The following CACNA2D3 variants were observed in gnomAD, a reference collection of about 807,000 sequenced individuals.
The protein encoded by CACNA2D3 is voltage-dependent calcium channel subunit alpha-2/delta-3.
In CACNA2D3, 60 loss-of-function variants were observed where a neutral mutation model predicts 160.6. The observed-to-expected ratio is 0.37, with a 90% CI of 0.30 to 0.46. The LOEUF (loss-of-function observed/expected upper bound fraction) is 0.46. Among genes scored for constraint, CACNA2D3 ranks in the 20% least tolerant of loss-of-function variants. CACNA2D3 has a pLI of 1.00. For missense variants in CACNA2D3, 1,205 were observed against 1,365.0 expected (o/e 0.88, Z 1.85); for synonymous variants, 558 against 492.9 (o/e 1.13, Z -1.75).
chr3:54,455,903 C>T (rs1261998552), intron 4 of CACNA2D3, among the ~76,000 whole-genome samples: 3 of 152,084 alleles, frequency 2.0e-5, no homozygotes, highest in Non-Finnish European at 2.9e-5. Context: ...GGATTTATTT[C>T]TGGGCTCTCT....
chr3:54,925,434 G>A (rs988341664), intron 27 of CACNA2D3, among the ~76,000 whole-genome samples: 5 of 152,200 alleles, frequency 3.3e-5, no homozygotes, highest in Non-Finnish European at 7.4e-5. Context: ...GCCACCTATC[G>A]TCTGAAGCCT....
intron 12 of CACNA2D3, among the ~76,000 whole-genome samples, chr3:54,759,259 A>G (rs1575461003): frequency 1.3e-5 from 2 of 152,186 alleles, no homozygotes; most frequent in East Asian, 3.9e-4. Context: ...CTTACATGAT[A>G]TATGAGGTCC....
chr3:54,324,396 C>G (rs1222220201), intron 3 of CACNA2D3, among the ~76,000 whole-genome samples: 3 of 152,162 alleles, frequency 2.0e-5, no homozygotes, highest in African/African-American at 7.2e-5. Flanking sequence ...ATTACATAAC[C>G]CCTGTCATCT....
chr3:54,881,140 A>G (rs1019269416), intron 21 of CACNA2D3, among the ~76,000 whole-genome samples: 7 of 152,218 alleles, frequency 4.6e-5, no homozygotes, highest in African/African-American at 1.7e-4. Context: ...AGTAACTCAC[A>G]GTCAACAGCA....
intron 2 of CACNA2D3, among the ~76,000 whole-genome samples, chr3:54,190,898 C>T (rs771871611): frequency 5.9e-5 from 9 of 152,024 alleles, no homozygotes; most frequent in Non-Finnish European, 1.0e-4. Context: ...CGTTGGGCCT[C>T]TGTTTTCTCA....
chr3:54,526,406 G>A (rs1030688917), intron 5 of CACNA2D3, among the ~76,000 whole-genome samples: 17 of 152,048 alleles, frequency 1.1e-4, no homozygotes, highest in African/African-American at 3.9e-4. Context: ...TGCATGTCTT[G>A]TAATTTTTAT....
At chr3:54,622,761 T>C (rs1699017125) in intron 9 of CACNA2D3, among the ~76,000 whole-genome samples, 1 of 152,200 alleles carries the variant, frequency 6.6e-6, no homozygotes, top group African/African-American at 2.4e-5. Context: ...AGCCAGCCCC[T>C]TCCTTTGCTT....
intron 11 of CACNA2D3, among the ~76,000 whole-genome samples, chr3:54,736,070 T>TATAA (rs1701508867): frequency 6.2e-5 from 2 of 32,048 alleles, no homozygotes; most frequent in Non-Finnish European, 1.6e-4. Context: ...TGTATATATA[T>TATAA]ATACATATAT....
At chr3:54,982,684 T>C (rs1320041546) in intron 29 of CACNA2D3, among the ~76,000 whole-genome samples, 3 of 151,786 alleles carry the variant, frequency 2.0e-5, no homozygotes, top group Admixed American at 1.3e-4. Context: ...CAGAGCATCC[T>C]TGAGGGCTGC....
chr3:54,393,881 G>A (rs1033351858), intron 4 of CACNA2D3, among the ~76,000 whole-genome samples: 28 of 152,178 alleles, frequency 1.8e-4, no homozygotes, highest in Admixed American at 1.6e-3. Flanking sequence ...TGAGACACCC[G>A]TCTTCTTGGG....
At chr3:55,041,159 A>G (rs1180113359) in intron 35 of CACNA2D3, among the ~76,000 whole-genome samples, 2 of 152,142 alleles carry the variant, frequency 1.3e-5, no homozygotes, top group African/African-American at 2.4e-5. Context: ...TAGAGATACA[A>G]TTGCTTGCTC....
In CACNA2D3 at chr3:54,140,059, T is replaced by C. The variant is rs1353796814; in HGVS notation, c.204+16465T>C. ...TCTTCCTTAAATGATCCCTATTTCA[T>C]TGGACTGTCATGAGGATTAAATTGG... is the stretch of plus-strand genomic sequence containing the variant. On this transcript the variant is annotated intron_variant, in intron 2 of 37. Transcript: ENST00000474759. 1.3e-5 allele frequency among the ~76,000 whole-genome samples: 2 copies of C among 152,256 alleles called. 1 individual carries two copies. Among genetic ancestry groups the C allele is most frequent in the South Asian group, 4.1e-4 (2 of 4,834 alleles).
intron 4 of CACNA2D3, among the ~76,000 whole-genome samples, chr3:54,477,662 C>G (rs1480772899): frequency 6.6e-6 from 1 of 152,164 alleles, no homozygotes; most frequent in Non-Finnish European, 1.5e-5. Context: ...TCATCATGAT[C>G]TCCTCCCTGA....
chr3:54,736,725 G>C (rs544364496), intron 11 of CACNA2D3, among the ~76,000 whole-genome samples: 32 of 152,142 alleles, frequency 2.1e-4, no homozygotes, highest in Admixed American at 2.1e-3. Flanking sequence ...GGATCTGCTG[G>C]TTCATGCACT....
chr3:54,267,062 C>T (rs1465021867), intron 2 of CACNA2D3, among the ~76,000 whole-genome samples: 1 of 151,902 alleles, frequency 6.6e-6, no homozygotes, highest in Non-Finnish European at 1.5e-5. Context: ...GTCACTGGGG[C>T]TTAAGGATGA....
intron 5 of CACNA2D3, among the ~76,000 whole-genome samples, chr3:54,508,603 A>G (rs2106956201): frequency 6.6e-6 from 1 of 152,344 alleles, no homozygotes; most frequent in African/African-American, 2.4e-5. Flanking sequence ...ACAGAGGAAG[A>G]AAAAACATAG....
At chr3:54,791,547 C>T (rs1192371926) in intron 13 of CACNA2D3, among the ~76,000 whole-genome samples, 1 of 152,166 alleles carries the variant, frequency 6.6e-6, no homozygotes, top group Non-Finnish European at 1.5e-5. Flanking sequence ...AAAGTAATCA[C>T]TCTGGGTAAT....
At chr3:54,637,362 G>T (rs935353422) in intron 10 of CACNA2D3, among the ~76,000 whole-genome samples, 4 of 151,742 alleles carry the variant, frequency 2.6e-5, no homozygotes, top group African/African-American at 9.7e-5. Flanking sequence ...AGAGGAGGAC[G>T]CAAAGGAGGC....
At chr3:54,856,246 AC>A (rs1028101368) in intron 17 of CACNA2D3, among the ~76,000 whole-genome samples, 15 of 136,356 alleles carry the variant, frequency 1.1e-4, no homozygotes, top group Non-Finnish European at 3.3e-5. Flanking sequence ...GGTTGAGAGT[AC>A]TGACAAGAAG....
Sources: allele counts gnomAD v4.1 joint callset (sites outside exome capture counted in the v4.1 genomes callset), GRCh38; gene constraint gnomAD v4.1.1; transcripts MANE v1.5; gene names NCBI Gene and HGNC (gene_info 2026-07-23, HGNC 2026-07-21).